MTSS1: variants seen among roughly 807,000 people sequenced by gnomAD.
MTSS1 encodes the protein protein MTSS 1.
Under a neutral mutation model 79.0 loss-of-function variants are expected in MTSS1, and 18 were observed. The ratio of observed to expected loss-of-function variants is 0.23; its 90% CI spans 0.16 to 0.34. MTSS1 has a LOEUF of 0.34. Among genes scored for constraint, MTSS1 ranks in the 10% least tolerant of loss-of-function variants. The pLI is 1.00. For missense variants in MTSS1, 815 were observed against 986.2 expected (o/e 0.83, Z 2.33); for synonymous variants, 341 against 368.6 (o/e 0.93, Z 0.86).
At chr8:124,559,303 G>C (rs111592996) in intron 10 of MTSS1, among the ~76,000 whole-genome samples, 3 of 152,168 alleles carry the variant, frequency 2.0e-5, no homozygotes, top group Non-Finnish European at 4.4e-5. Flanking sequence ...ACCCCAGCTC[G>C]GGCTTTTGCT....
intron 1 of MTSS1, among the ~76,000 whole-genome samples, chr8:124,706,045 T>C (rs1015183747): frequency 3.3e-5 from 5 of 152,214 alleles, no homozygotes; most frequent in African/African-American, 1.2e-4. Context: ...ATTACTTCAG[T>C]TTCATTTTCT....
intron 13 of MTSS1, among the ~76,000 whole-genome samples, chr8:124,554,792 A>C (rs948583209): frequency 6.6e-6 from 1 of 152,250 alleles, no homozygotes; most frequent in African/African-American, 2.4e-5. Flanking sequence ...GTGGCTGTAA[A>C]GATTAAATGA....
chr8:124,658,926 T>C (rs73343976), intron 3 of MTSS1, among the ~76,000 whole-genome samples: 3,116 of 152,326 alleles, frequency 0.02, 97 homozygotes, highest in African/African-American at 0.071. Context: ...AGTAAATTTC[T>C]GTTGTTTGCA....
chr8:124,607,346 G>C (rs944921380), intron 3 of MTSS1, among the ~76,000 whole-genome samples: 8 of 152,144 alleles, frequency 5.3e-5, no homozygotes, highest in Non-Finnish European at 8.8e-5. Flanking sequence ...AACTCATCTG[G>C]GGTCATTTAA....
At chr8:124,629,937 G>C (rs1040070096) in intron 3 of MTSS1, among the ~76,000 whole-genome samples, 3 of 152,202 alleles carry the variant, frequency 2.0e-5, no homozygotes, top group Non-Finnish European at 4.4e-5. Flanking sequence ...AGTGGCTGCT[G>C]ACTCATCACC....
chr8:124,617,630 T>C (rs1250084496), intron 3 of MTSS1, among the ~76,000 whole-genome samples: 1 of 152,118 alleles, frequency 6.6e-6, no homozygotes, highest in Non-Finnish European at 1.5e-5. Context: ...TCTCCACAGA[T>C]TGCCATTCTC....
At chr8:124,678,044 AT>A (rs1825586726) in intron 3 of MTSS1, among the ~76,000 whole-genome samples, 1 of 152,146 alleles carries the variant, frequency 6.6e-6, no homozygotes, top group African/African-American at 2.4e-5. Context: ...TCCCCCAAAC[AT>A]TTTGATCCCC....
At chr8:124,611,696 C>G (rs1014357676) in intron 3 of MTSS1, among the ~76,000 whole-genome samples, 1 of 152,160 alleles carries the variant, frequency 6.6e-6, no homozygotes, top group Non-Finnish European at 1.5e-5. Context: ...CTTAATGGCC[C>G]ATTTCATATG....
intron 1 of MTSS1, among the ~76,000 whole-genome samples, chr8:124,718,777 C>T (rs1219085633): frequency 6.6e-6 from 1 of 152,150 alleles, no homozygotes; most frequent in Non-Finnish European, 1.5e-5. Flanking sequence ...AGAGGGGCTC[C>T]TCCAGCAAAA....
Position 124,553,000 on chromosome 8 carries a change from A to C in MTSS1, c.2260T>G (p.Phe754Val). The C allele has an allele frequency of 1.2e-6, 2 of 1,610,946 alleles. No individual in the cohort carries two copies. The highest frequency in any genetic ancestry group is 2.2e-5 in the South Asian group (2 of 91,044). Reference protein sequence around the residue: ...TTTNDRSAPRFS With the variant: ...TTTNDRSAPRVS ...GCGCATTTCTTGTGAACCTAAGAAA[A>C]GCGAGGGGCTGAGCGATCGTTTGTC... is the stretch of plus-strand genomic sequence containing the variant. Residue 754 changes from phenylalanine to valine, a missense_variant, in exon 14 of 14, where the codon TTT becomes GTT. This residue lies in a region of MTSS1 where 590 missense variants were observed against 620.8 expected (regional missense o/e 0.95). Transcript: ENST00000518547.
At chr8:124,642,553 G>A (rs1818250320) in intron 3 of MTSS1, among the ~76,000 whole-genome samples, 1 of 152,118 alleles carries the variant, frequency 6.6e-6, no homozygotes, top group Admixed American at 6.6e-5. Context: ...AATATGAGTT[G>A]TTAAGACAGC....
intron 3 of MTSS1, among the ~76,000 whole-genome samples, chr8:124,635,172 A>G (rs1816758492): frequency 6.6e-6 from 1 of 152,178 alleles, no homozygotes; most frequent in Non-Finnish European, 1.5e-5. Flanking sequence ...CTTTCTTCCT[A>G]TAAGTAAAGT....
At chr8:124,712,546 C>T (rs1831324809) in intron 1 of MTSS1, among the ~76,000 whole-genome samples, 1 of 152,176 alleles carries the variant, frequency 6.6e-6, no homozygotes, top group African/African-American at 2.4e-5. Flanking sequence ...CCAAAACCAC[C>T]CTTCCCCACC....
intron 3 of MTSS1, among the ~76,000 whole-genome samples, chr8:124,642,638 T>C (rs1356042605): frequency 6.6e-6 from 1 of 152,168 alleles, no homozygotes; most frequent in Non-Finnish European, 1.5e-5. Context: ...TGTTGCCCAG[T>C]CTGCATTGCA....
At position 124,666,772 on chromosome 8, in the gene MTSS1, C is replaced by T. The variant is rs1405251635; in HGVS notation, c.208+32754G>A. 3.3e-5 allele frequency among the ~76,000 whole-genome samples: 5 copies of T among 152,188 alleles called. No homozygotes were observed. The East Asian group carries it at 9.7e-4, about 29-fold the overall frequency. Reference sequence around the variant, plus strand: ...GTGAGCCCAGCTGGCCGAGGGTTAGCATACCAGTTGGCAGATAGTGAGCTT... The same window carrying T: ...GTGAGCCCAGCTGGCCGAGGGTTAGTATACCAGTTGGCAGATAGTGAGCTT... On this transcript the variant is annotated intron_variant, in intron 3 of 13. Coordinates refer to ENST00000518547, the MANE Select transcript of MTSS1 (RefSeq NM_014751.6).
intron 3 of MTSS1, among the ~76,000 whole-genome samples, chr8:124,643,912 T>A (rs964649108): frequency 6.6e-6 from 1 of 152,184 alleles, no homozygotes; most frequent in African/African-American, 2.4e-5. Context: ...TGAAATTCTG[T>A]GCAAGTAATT....
chr8:124,565,023 G>A (rs926487415), intron 9 of MTSS1, among the ~76,000 whole-genome samples: 4 of 152,208 alleles, frequency 2.6e-5, no homozygotes, highest in African/African-American at 9.6e-5. Flanking sequence ...CTTTCAAGGA[G>A]AGGAAAAGAA....
intron 3 of MTSS1, among the ~76,000 whole-genome samples, chr8:124,604,857 A>T (rs1421616349): frequency 0.015 from 1 of 68 alleles, no homozygotes; most frequent in Non-Finnish European, 0.024. Flanking sequence ...AGCAGAGGAA[A>T]CAAAACCCAC....
intron 1 of MTSS1, among the ~76,000 whole-genome samples, chr8:124,720,765 A>T (rs1832792953): frequency 6.6e-6 from 1 of 152,226 alleles, no homozygotes. Flanking sequence ...CACTGATTCT[A>T]AGACTTCAAA....
Sources: gnomAD v4.1 joint callset for allele counts (sites outside exome capture counted in the v4.1 genomes callset) on GRCh38, gnomAD v4.1.1 for gene constraint, gnomAD v4.1.1 regional missense constraint, MANE v1.5 for transcripts, NCBI Gene and HGNC (gene_info 2026-07-23, HGNC 2026-07-21) for gene names.